ZNF385D: variants seen among roughly 807,000 people sequenced by gnomAD.
ZNF385D encodes zinc finger protein 659.
In ZNF385D, 15 loss-of-function variants were observed where a neutral mutation model predicts 35.8. The observed-to-expected ratio is 0.42, with a 90% CI of 0.28 to 0.64. The LOEUF (loss-of-function observed/expected upper bound fraction) is 0.64, where lower values mean the gene tolerates loss of function less well. ZNF385D is among the 30% of genes least tolerant of loss of function. The probability of loss-of-function intolerance (pLI) is 0.23; values close to 1 mark genes in which losing one functional copy is unlikely to be tolerated. For synonymous variants in ZNF385D, 212 were observed against 186.8 expected (o/e 1.13, Z -1.10); for missense variants, 474 against 494.6 (o/e 0.96, Z 0.39).
At chr3:21,478,320 A>G (rs1317881357) in intron 4 of ZNF385D, among the ~76,000 whole-genome samples, 3 of 152,152 alleles carry the variant, frequency 2.0e-5, no homozygotes, top group Non-Finnish European at 4.4e-5. Context: ...CTTCCCTACC[A>G]GAGGAGTGCA....
In ZNF385D at chr3:21,902,613, C is replaced by A. The variant is rs551546204; in HGVS notation, c.326-237585G>T. On this transcript the variant is annotated intron_variant, in intron 3 of 5. Transcript: ENST00000494108. The stretch of plus-strand genomic sequence containing the variant: ...AAATTAATCGGTCTTTTTAAAGAAA[C>A]AGCAGAATGGTGTCATTGAAAATTA... Among the ~76,000 whole-genome samples, 3 of 152,224 alleles carry A rather than the reference C, an allele frequency of 2.0e-5. No individual in the cohort carries two copies. The South Asian group carries it at 6.2e-4, about 32-fold the overall frequency.
chr3:21,832,070 T>A (rs546297588), intron 3 of ZNF385D, among the ~76,000 whole-genome samples: 1 of 69,496 alleles, frequency 1.4e-5, no homozygotes, highest in South Asian at 6.4e-4. Context: ...TTCTAGACAA[T>A]GTTGTTAAAA....
chr3:21,861,981 C>T (rs1697077833), intron 3 of ZNF385D, among the ~76,000 whole-genome samples: 1 of 152,112 alleles, frequency 6.6e-6, no homozygotes, highest in South Asian at 2.1e-4. Flanking sequence ...TCACATAAAT[C>T]AAGTGAGCCC....
At chr3:21,608,864 A>AT (rs1263854514) in intron 2 of ZNF385D, among the ~76,000 whole-genome samples, 1 of 152,196 alleles carries the variant, frequency 6.6e-6, no homozygotes, top group Non-Finnish European at 1.5e-5. Flanking sequence ...CTTTGTTTAA[A>AT]TTTCCACTAA....
At chr3:21,693,380 T>TC (rs1182350293) in intron 1 of ZNF385D, among the ~76,000 whole-genome samples, 1 of 141,406 alleles carries the variant, frequency 7.1e-6, no homozygotes, top group Admixed American at 7.0e-5. Context: ...TACCTTTGCT[T>TC]CCCTCTTGTT....
intron 2 of ZNF385D, among the ~76,000 whole-genome samples, chr3:21,592,895 A>C (rs1315738075): frequency 6.6e-6 from 1 of 152,162 alleles, no homozygotes; most frequent in Non-Finnish European, 1.5e-5. Flanking sequence ...GGATCTCCTA[A>C]GCAGGCCCCT....
chr3:21,663,502 G>A (rs1167266203), intron 2 of ZNF385D, among the ~76,000 whole-genome samples: 5 of 152,030 alleles, frequency 3.3e-5, no homozygotes, highest in African/African-American at 4.8e-5. Flanking sequence ...GCTGTGCCAG[G>A]AAACCACTTA....
At chr3:21,666,846 G>C (rs556346688) in intron 1 of ZNF385D, among the ~76,000 whole-genome samples, 1 of 152,172 alleles carries the variant, frequency 6.6e-6, no homozygotes, top group Non-Finnish European at 1.5e-5. Context: ...GGAAGGTCAA[G>C]GCGGATGGAT....
chr3:21,920,012 A>G (rs1409308414), intron 3 of ZNF385D, among the ~76,000 whole-genome samples: 2 of 152,214 alleles, frequency 1.3e-5, no homozygotes, highest in Non-Finnish European at 2.9e-5. Flanking sequence ...TTGCATTGAA[A>G]TCATTTCCAG....
chr3:22,338,785 C>T (rs1695290135), intron 2 of ZNF385D, among the ~76,000 whole-genome samples: 2 of 149,482 alleles, frequency 1.3e-5, no homozygotes, highest in African/African-American at 5.0e-5. Flanking sequence ...ACTGTAGCCT[C>T]CACCTCCTGG....
chr3:22,041,600 T>C (rs1375463411), intron 3 of ZNF385D, among the ~76,000 whole-genome samples: 1 of 152,158 alleles, frequency 6.6e-6, no homozygotes, highest in Non-Finnish European at 1.5e-5. Context: ...ATAAACCAAC[T>C]GGGTGATCTG....
chr3:21,921,458 G>C (rs1700457672), intron 3 of ZNF385D, among the ~76,000 whole-genome samples: 1 of 152,006 alleles, frequency 6.6e-6, no homozygotes, highest in Non-Finnish European at 1.5e-5. Flanking sequence ...ATTACTTAAA[G>C]ACAAAAGACA....
At chr3:21,430,462 C>T (rs1316305307) in intron 5 of ZNF385D, among the ~76,000 whole-genome samples, 2 of 151,990 alleles carry the variant, frequency 1.3e-5, no homozygotes, top group African/African-American at 2.4e-5. Flanking sequence ...GCACAATGGA[C>T]CCTGTGACCA....
intron 5 of ZNF385D, among the ~76,000 whole-genome samples, chr3:21,431,424 C>A (rs1701287195): frequency 6.6e-6 from 1 of 152,118 alleles, no homozygotes. Context: ...TACCTAGAAA[C>A]TTCTGTGATG....
rs143314543 is a variant in ZNF385D, at chr3:22,019,810, A to T, written c.325+149007T>A. Among the ~76,000 whole-genome samples the T allele has an allele frequency of 2.2e-3, 329 of 151,908 alleles. 1 individual carries two copies. Among genetic ancestry groups the T allele is most frequent in the African/African-American group, 7.5e-3 (313 of 41,506 alleles). On this transcript the variant is annotated intron_variant, in intron 3 of 5. Coordinates refer to the ZNF385D transcript ENST00000494108. ...TAAAAATGTGGGGCCCTTATTTGAA[A>T]ATTATTGAGAACCTTGAGAGAGTGA...
intron 1 of ZNF385D, among the ~76,000 whole-genome samples, chr3:21,746,182 T>C (rs2069761362): frequency 6.6e-6 from 1 of 152,240 alleles, no homozygotes; most frequent in Admixed American, 6.5e-5. Context: ...GTCATTTGTT[T>C]TTTGGAACAA....
At position 22,320,379 on chromosome 3, in the gene ZNF385D, G is replaced by A. The variant is rs117140654; in HGVS notation, c.106+52071C>T. ...TGAATGCAATTAATTCTTACATAAA[G>A]GATCATTTCCCTAATATTTTCCATT... On this transcript the variant is annotated intron_variant, in intron 2 of 5. Coordinates refer to the ZNF385D transcript ENST00000494108. Among the ~76,000 whole-genome samples the A allele has an allele frequency of 3.0e-4, 45 of 151,952 alleles. No individual in the cohort carries two copies. In the East Asian group the frequency reaches 8.5e-3, roughly 29 times the overall value.
chr3:21,598,383 G>C (rs2064184398), intron 2 of ZNF385D, among the ~76,000 whole-genome samples: 1 of 151,898 alleles, frequency 6.6e-6, no homozygotes, highest in African/African-American at 2.4e-5. Flanking sequence ...AATAATTTTA[G>C]AAAACATAGA....
intron 5 of ZNF385D, among the ~76,000 whole-genome samples, chr3:21,430,017 C>T (rs753307709): frequency 7.9e-5 from 12 of 152,084 alleles, no homozygotes; most frequent in Non-Finnish European, 1.5e-4. Flanking sequence ...CTCAAATCTA[C>T]GTACCTGGAA....
Sources: gnomAD v4.1 joint callset for allele counts (sites outside exome capture counted in the v4.1 genomes callset) on GRCh38, gnomAD v4.1.1 for gene constraint, MANE v1.5 for transcripts, NCBI Gene and HGNC (gene_info 2026-07-23, HGNC 2026-07-21) for gene names.